The following PRKCE variants were observed in gnomAD, a reference collection of about 807,000 sequenced individuals.
PRKCE encodes protein kinase C epsilon, also known as protein kinase C epsilon type.
PRKCE carries 16 observed loss-of-function variants against 85.4 expected under a neutral mutation model. The observed-to-expected ratio is 0.19, with a 90% confidence interval of 0.13 to 0.28. The LOEUF (loss-of-function observed/expected upper bound fraction) is 0.28, where lower values mean the gene tolerates loss of function less well. Ranked by LOEUF, PRKCE falls within the 10% of genes least tolerant of loss-of-function variation. The pLI is 1.00. For synonymous variants in PRKCE, 388 were observed against 371.5 expected (o/e 1.04, Z -0.51); for missense variants, 573 against 975.2 (o/e 0.59, Z 5.49).
chr2:45,918,660 C>T (rs1203569511), intron 2 of PRKCE, among the ~76,000 whole-genome samples: 1 of 152,112 alleles, frequency 6.6e-6, no homozygotes, highest in African/African-American at 2.4e-5. Context: ...TATAGTAAAC[C>T]AATCTGTCCA....
intron 1 of PRKCE, among the ~76,000 whole-genome samples, chr2:45,667,932 C>T (rs1401984907): frequency 6.6e-6 from 1 of 152,146 alleles, no homozygotes; most frequent in Admixed American, 6.5e-5. Context: ...GTCGTGTGAC[C>T]TTTTGACAAG....
chr2:46,034,704 G>T (rs2104966152), intron 10 of PRKCE, among the ~76,000 whole-genome samples: 1 of 152,350 alleles, frequency 6.6e-6, no homozygotes, highest in South Asian at 2.1e-4. Flanking sequence ...CGGGGATCCT[G>T]TCTGGGCTCT....
At chr2:45,918,238 G>A (rs1329519959) in intron 2 of PRKCE, among the ~76,000 whole-genome samples, 7 of 152,144 alleles carry the variant, frequency 4.6e-5, no homozygotes, top group Non-Finnish European at 2.9e-5. Context: ...GTCACCTCTC[G>A]CTACTGCAGG....
chr2:46,156,384 C>T (rs115257641), intron 13 of PRKCE, among the ~76,000 whole-genome samples: 2,451 of 152,334 alleles, frequency 0.016, 31 homozygotes, highest in Non-Finnish European at 0.02. Flanking sequence ...TCATCACAGT[C>T]TCAGCTAATT....
At chr2:46,111,743 T>G (rs2104230568) in intron 11 of PRKCE, among the ~76,000 whole-genome samples, 1 of 152,346 alleles carries the variant, frequency 6.6e-6, no homozygotes, top group Admixed American at 6.5e-5. Flanking sequence ...TGATGGACAC[T>G]TAGGTTGTTT....
intron 1 of PRKCE, among the ~76,000 whole-genome samples, chr2:45,701,725 T>C (rs1178040859): frequency 1.3e-5 from 2 of 152,236 alleles, no homozygotes; most frequent in African/African-American, 4.8e-5. Flanking sequence ...ACAGAATTTT[T>C]CCTGGTGCTC....
intron 2 of PRKCE, among the ~76,000 whole-genome samples, chr2:45,960,341 G>C (rs190041483): frequency 6.6e-6 from 1 of 152,166 alleles, no homozygotes; most frequent in African/African-American, 2.4e-5. Flanking sequence ...GAATCCTTTC[G>C]AGAAATAGAG....
chr2:46,028,552 C>T (rs1161947269), intron 10 of PRKCE, among the ~76,000 whole-genome samples: 1 of 152,182 alleles, frequency 6.6e-6, no homozygotes, highest in East Asian at 1.9e-4. Flanking sequence ...TGCTGCCCTC[C>T]CCACCTGCCA....
chr2:46,064,010 A>G (rs1321637645), intron 10 of PRKCE, among the ~76,000 whole-genome samples: 1 of 152,160 alleles, frequency 6.6e-6, no homozygotes, highest in African/African-American at 2.4e-5. Flanking sequence ...GGTCGGGCAC[A>G]GTGGCTCACA....
At chr2:46,030,911 A>G (rs1707471141) in intron 10 of PRKCE, among the ~76,000 whole-genome samples, 1 of 152,088 alleles carries the variant, frequency 6.6e-6, no homozygotes, top group South Asian at 2.1e-4. Flanking sequence ...GTTTCCTTTT[A>G]TGATTGGTGG....
chr2:45,791,858 C>T (rs946996253), intron 1 of PRKCE, among the ~76,000 whole-genome samples: 4 of 152,170 alleles, frequency 2.6e-5, no homozygotes, highest in African/African-American at 4.8e-5. Context: ...ATGAGAATCC[C>T]GGTTCAAATA....
intron 1 of PRKCE, among the ~76,000 whole-genome samples, chr2:45,797,547 C>T (rs1558682877): frequency 6.6e-6 from 1 of 152,228 alleles, no homozygotes; most frequent in Non-Finnish European, 1.5e-5. Flanking sequence ...CAGGCTGAGG[C>T]CGTTGTTCTC....
At chr2:45,976,711 G>A in intron 3 of PRKCE, 123 bp downstream of exon 3, 1 of 1,154,626 alleles carries the variant, frequency 8.7e-7, no homozygotes, top group Non-Finnish European at 1.2e-6. Flanking sequence ...TTCCTTATCT[G>A]AATGCAGGGG....
intron 1 of PRKCE, among the ~76,000 whole-genome samples, chr2:45,707,960 G>A (rs1464697390): frequency 6.6e-6 from 1 of 152,194 alleles, no homozygotes; most frequent in African/African-American, 2.4e-5. Flanking sequence ...ACCCCTGCGG[G>A]TTGCATTCCT....
intron 10 of PRKCE, among the ~76,000 whole-genome samples, chr2:46,059,532 A>G (rs1666912048): frequency 6.6e-6 from 1 of 152,244 alleles, no homozygotes; most frequent in South Asian, 2.1e-4. Flanking sequence ...CTTATTCAGA[A>G]AAACTCAGGC....
intron 1 of PRKCE, among the ~76,000 whole-genome samples, chr2:45,840,102 C>T (rs1214965374): frequency 6.6e-6 from 1 of 152,208 alleles, no homozygotes; most frequent in South Asian, 2.1e-4. Flanking sequence ...CATTCCTTTG[C>T]TCTCTCCCTC....
intron 2 of PRKCE, among the ~76,000 whole-genome samples, chr2:45,970,150 A>T (rs1414729153): frequency 6.6e-6 from 1 of 152,226 alleles, no homozygotes; most frequent in Non-Finnish European, 1.5e-5. Flanking sequence ...TTCTGAAAAC[A>T]TGTCAACTGG....
rs147552200 is a variant in PRKCE, at chr2:46,058,639, G to A, written c.1438-27569G>A. On this transcript the variant is annotated intron_variant, in intron 10 of 14. Coordinates refer to ENST00000306156, the MANE Select transcript of PRKCE (RefSeq NM_005400.3). ...ACTACTCACCATCAAGACAGGCCTCGACACTTCCAGTCTTCCAGATGTCCC... is the reference window on the plus strand; with the variant it reads ...ACTACTCACCATCAAGACAGGCCTCAACACTTCCAGTCTTCCAGATGTCCC... Among the ~76,000 whole-genome samples the A allele has an allele frequency of 3.4e-3, 517 of 152,178 alleles. 2 individuals carry two copies. Among genetic ancestry groups the A allele is most frequent in the African/African-American group, 0.012 (499 of 41,522 alleles).
At chr2:45,787,865 A>AG (rs1686730349) in intron 1 of PRKCE, among the ~76,000 whole-genome samples, 1 of 152,188 alleles carries the variant, frequency 6.6e-6, no homozygotes, top group Non-Finnish European at 1.5e-5. Context: ...GATCCTGTGC[A>AG]GGGGAGTGAT....
Sources: gnomAD v4.1 joint callset for allele counts (sites outside exome capture counted in the v4.1 genomes callset) on GRCh38, gnomAD v4.1.1 for gene constraint, MANE v1.5 for transcripts, NCBI Gene and HGNC (gene_info 2026-07-23, HGNC 2026-07-21) for gene names.